The following CNTN1 variants were observed in gnomAD, a reference collection of about 807,000 sequenced individuals.
The protein encoded by CNTN1 is contactin-1.
A neutral mutation model predicts 126.4 loss-of-function variants in CNTN1; 38 were observed. The ratio of observed to expected loss-of-function variants is 0.30; its 90% CI spans 0.23 to 0.39. CNTN1 has a LOEUF of 0.39. Ranked by LOEUF, CNTN1 falls within the 10% of genes least tolerant of loss-of-function variation. CNTN1 has a pLI of 1.00. For synonymous variants in CNTN1, 413 were observed against 422.6 expected (o/e 0.98, Z 0.28); for missense variants, 1,009 against 1,248.4 (o/e 0.81, Z 2.89).
At chr12:40,962,479 T>C (rs1947138200) in intron 15 of CNTN1, among the ~76,000 whole-genome samples, 1 of 152,086 alleles carries the variant, frequency 6.6e-6, no homozygotes. Flanking sequence ...ATATAGTCAA[T>C]GGAAAATGTA....
chr12:40,763,034 G>A (rs757904269), intron 1 of CNTN1: 23 of 152,174 alleles, frequency 1.5e-4, no homozygotes, highest in Admixed American at 4.6e-4. Flanking sequence ...GTTAGTTCAT[G>A]TGAGAGCAGG....
Position 41,057,019 on chromosome 12 carries a change from T to TATTATAAATATTTA in CNTN1, c.2981-12940_2981-12939insATTATAAATATTTA, listed in dbSNP as rs1357240332. 1.7e-3 allele frequency among the ~76,000 whole-genome samples: 105 copies of TATTATAAATATTTA among 63,068 alleles called. 7 individuals carry two copies. The highest frequency in any genetic ancestry group is 7.7e-3 in the African/African-American group (67 of 8,692). The allele number at this position is 63,068 out of a possible 152,430, so 41.4% of individuals were successfully genotyped here. A position where few individuals can be genotyped will look rare whatever the true frequency, so the allele number is the denominator to read the frequency against. On this transcript the variant is annotated intron_variant, in intron 23 of 23. Transcript: ENST00000551295. ...TTATAAATATTTAGATATTTATAAA[T>TATTATAAATATTTA]GATATTTATAAATATTATAAATATT...
chr12:40,972,193 C>T, intron 15 of CNTN1: 1 of 985,246 alleles, frequency 1.0e-6, no homozygotes, highest in Non-Finnish European at 1.2e-6. Flanking sequence ...TAACAGCATG[C>T]ATTCATATTT....
intron 1 of CNTN1, among the ~76,000 whole-genome samples, chr12:40,873,354 A>G (rs892004150): frequency 5.9e-5 from 9 of 152,210 alleles, no homozygotes; most frequent in African/African-American, 2.2e-4. Context: ...TATAAAATGT[A>G]TAAGACATAA....
At chr12:40,960,637 A>C (rs1947072841) in intron 15 of CNTN1, among the ~76,000 whole-genome samples, 2 of 152,146 alleles carry the variant, frequency 1.3e-5, no homozygotes, top group Non-Finnish European at 2.9e-5. Flanking sequence ...ACATTCCACA[A>C]ACCACTTATT....
At chr12:40,830,832 T>C (rs7980276) in intron 1 of CNTN1, among the ~76,000 whole-genome samples, 25,835 of 88,278 alleles carry the variant, frequency 0.29, 3,869 homozygotes, top group East Asian at 0.49. Context: ...TATATATATA[T>C]ATACTCTTTA....
intron 1 of CNTN1, among the ~76,000 whole-genome samples, chr12:40,774,041 T>C (rs1039861808): frequency 6.6e-6 from 1 of 151,484 alleles, no homozygotes; most frequent in Non-Finnish European, 1.5e-5. Context: ...GTATTTGCAA[T>C]GCCCTGAAGA....
intron 23 of CNTN1, among the ~76,000 whole-genome samples, chr12:41,059,426 AT>A (rs1949893502): frequency 6.6e-6 from 1 of 152,104 alleles, no homozygotes; most frequent in Non-Finnish European, 1.5e-5. Context: ...ACCTCTAGTC[AT>A]TTTCAACTCT....
intron 1 of CNTN1, among the ~76,000 whole-genome samples, chr12:40,759,293 G>C (rs940031419): frequency 2.6e-4 from 40 of 152,278 alleles, no homozygotes; most frequent in African/African-American, 9.4e-4. Flanking sequence ...GCTTAGTTCT[G>C]ATTGGTTGAT....
At chr12:40,699,758 T>TA (rs111410321) in intron 1 of CNTN1, among the ~76,000 whole-genome samples, 3,160 of 146,312 alleles carry the variant, frequency 0.022, 85 homozygotes, top group African/African-American at 0.072. Flanking sequence ...CATTTACAGA[T>TA]AAAAAAAAAA....
intron 1 of CNTN1, among the ~76,000 whole-genome samples, chr12:40,720,409 G>GGT (rs10636043): frequency 0.6 from 89,938 of 149,052 alleles, 27,669 homozygotes; most frequent in East Asian, 0.83. Context: ...ATCTCAAAGG[G>GGT]GTGTGTGTGT....
At chr12:40,980,798 T>C in intron 15 of CNTN1, 111 bp from the exon 16 acceptor site, 1 of 987,362 alleles carries the variant, frequency 1.0e-6, no homozygotes, top group Non-Finnish European at 1.6e-6. Flanking sequence ...ACACTGATTA[T>C]ATTGGACAAA....
intron 1 of CNTN1, among the ~76,000 whole-genome samples, chr12:40,692,887 C>A (rs1256118205): frequency 6.6e-6 from 1 of 152,168 alleles, no homozygotes; most frequent in African/African-American, 2.4e-5. Flanking sequence ...TCGGAGGCTG[C>A]CGCCGCCAGC....
chr12:40,697,651 G>A (rs992107161), intron 1 of CNTN1, among the ~76,000 whole-genome samples: 9 of 152,082 alleles, frequency 5.9e-5, no homozygotes, highest in South Asian at 2.1e-4. Flanking sequence ...AACATGTGAC[G>A]GTGCTATTGC....
At chr12:41,017,176 T>A (rs1948800666) in intron 19 of CNTN1, among the ~76,000 whole-genome samples, 1 of 152,114 alleles carries the variant, frequency 6.6e-6, no homozygotes, top group African/African-American at 2.4e-5. Context: ...TGGCTCTGAC[T>A]TCCATTTTTG....
At chr12:40,870,880 T>C (rs1943464072) in intron 1 of CNTN1, among the ~76,000 whole-genome samples, 2 of 152,098 alleles carry the variant, frequency 1.3e-5, no homozygotes, top group Admixed American at 1.3e-4. Context: ...GCATCCTTGG[T>C]TTGCAGATGT....
chr12:40,732,350 T>TC (rs1942521411), intron 1 of CNTN1, among the ~76,000 whole-genome samples: 1 of 152,002 alleles, frequency 6.6e-6, no homozygotes, highest in Non-Finnish European at 1.5e-5. Context: ...AAGAGAACAT[T>TC]CCCGCATAAA....
intron 1 of CNTN1, among the ~76,000 whole-genome samples, chr12:40,862,456 A>T (rs1943146904): frequency 6.6e-6 from 1 of 152,066 alleles, no homozygotes; most frequent in Admixed American, 6.6e-5. Flanking sequence ...AGTCTGACAA[A>T]AATAAAATGT....
chr12:41,022,404 C>T (rs1174944884), intron 20 of CNTN1, among the ~76,000 whole-genome samples: 2 of 152,164 alleles, frequency 1.3e-5, no homozygotes, highest in Admixed American at 6.5e-5. Context: ...GCTGAGCAAA[C>T]ATGGGTTTAT....
Sources: gnomAD v4.1 joint callset for allele counts (sites outside exome capture counted in the v4.1 genomes callset) on GRCh38, gnomAD v4.1.1 for gene constraint, MANE v1.5 for transcripts, NCBI Gene and HGNC (gene_info 2026-07-23, HGNC 2026-07-21) for gene names.